Variants in PTPRD observed in about 807,000 individuals in gnomAD.
PTPRD encodes the protein protein tyrosine phosphatase receptor type D, also known as receptor-type tyrosine-protein phosphatase delta.
A neutral mutation model predicts 214.5 loss-of-function variants in PTPRD; 34 were observed. That is an observed-to-expected ratio of 0.16 (90% CI 0.12 to 0.21). PTPRD has a LOEUF of 0.21. PTPRD is among the 10% of genes least tolerant of loss of function. The pLI, the probability that PTPRD is intolerant of heterozygous loss-of-function variation, is 1.00. For synonymous variants in PTPRD, 1,128 were observed against 845.7 expected, an observed-to-expected ratio of 1.33 and a Z score of -5.79; for missense variants, 2,545 against 2,398.7, an observed-to-expected ratio of 1.06 and a Z score of -1.27.
intron 14 of PTPRD, among the ~76,000 whole-genome samples, chr9:8,566,891 G>C (rs555511131): frequency 6.6e-6 from 1 of 151,380 alleles, no homozygotes; most frequent in African/African-American, 2.4e-5. Context: ...GGGTAGATCT[G>C]GTCATCAGTC....
chr9:8,482,263 C>T (rs1367933920), intron 30 of PTPRD, among the ~76,000 whole-genome samples: 1 of 143,992 alleles, frequency 6.9e-6, no homozygotes, highest in African/African-American at 2.7e-5. Flanking sequence ...CTCTTGATCT[C>T]ATCATTAAAG....
chr9:10,467,757 T>C (rs540176262), intron 2 of PTPRD, among the ~76,000 whole-genome samples: 2 of 152,254 alleles, frequency 1.3e-5, no homozygotes, highest in African/African-American at 4.8e-5. Flanking sequence ...TATAAAAGGA[T>C]AGCTACATAG....
chr9:8,693,782 G>C (rs1455935231), intron 12 of PTPRD, among the ~76,000 whole-genome samples: 6 of 152,182 alleles, frequency 3.9e-5, no homozygotes, highest in Non-Finnish European at 8.8e-5. Context: ...GCAAAGCTGA[G>C]AAAACAACAC....
At chr9:10,026,863 CTT>C (rs1037430340) in intron 4 of PTPRD, among the ~76,000 whole-genome samples, 4 of 147,754 alleles carry the variant, frequency 2.7e-5, no homozygotes, top group Admixed American at 6.8e-5. Flanking sequence ...TAGTGAGTGT[CTT>C]TCAAAAAAAA....
At position 8,317,244 on chromosome 9, in the gene PTPRD, A is replaced by AAAT. The variant is rs747419127; in HGVS notation, c.*627_*629dup. The AAAT allele has an allele frequency of 7.8e-5, 18 of 232,080 alleles. No individual in the cohort carries two copies. The highest frequency in any genetic ancestry group is 1.0e-4 in the Non-Finnish European group (12 of 117,130). The allele number at this position is 232,080 out of a possible 1,614,324, so 14.4% of individuals were successfully genotyped here. On this transcript the variant is annotated 3_prime_UTR_variant, in exon 46 of 46. Transcript: ENST00000381196. ...CAGCTTAAAAAAACCTACGATTTGG[A>AAAT]AATAAAAAAATGAAGAGTTATGTAA...
At chr9:8,527,741 T>C (rs1418593271) in intron 15 of PTPRD, among the ~76,000 whole-genome samples, 19 of 152,142 alleles carry the variant, frequency 1.2e-4, no homozygotes, top group Non-Finnish European at 4.4e-5. Context: ...TCTCTACTTT[T>C]AATCTAAGAG....
intron 8 of PTPRD, among the ~76,000 whole-genome samples, chr9:9,465,414 A>G (rs1162386082): frequency 6.6e-6 from 1 of 152,226 alleles, no homozygotes; most frequent in East Asian, 1.9e-4. Context: ...GCCAAAAACC[A>G]ATATGCAAAC....
chr9:8,919,562 G>A (rs1271863510), intron 11 of PTPRD, among the ~76,000 whole-genome samples: 2 of 152,038 alleles, frequency 1.3e-5, no homozygotes, highest in Admixed American at 6.5e-5. Context: ...TGAGGGCATT[G>A]TGTGCACTGA....
intron 10 of PTPRD, among the ~76,000 whole-genome samples, chr9:9,063,410 G>A (rs539475450): frequency 6.6e-6 from 1 of 152,136 alleles, no homozygotes; most frequent in African/African-American, 2.4e-5. Flanking sequence ...CAACTAATTA[G>A]GATTTAGCCC....
intron 43 of PTPRD, 32 bp from the exon 44 acceptor site, chr9:8,331,768 A>C (rs1297292720): frequency 1.3e-6 from 2 of 1,544,920 alleles, no homozygotes; most frequent in African/African-American, 2.8e-5. Flanking sequence ...CCCGGCCGCA[A>C]AGGAAGACGC....
At chr9:10,107,452 T>C (rs1434303247) in intron 3 of PTPRD, among the ~76,000 whole-genome samples, 1 of 152,042 alleles carries the variant, frequency 6.6e-6, no homozygotes, top group Non-Finnish European at 1.5e-5. Flanking sequence ...GGAATTGCCG[T>C]TAGAATGACC....
intron 39 of PTPRD, among the ~76,000 whole-genome samples, chr9:8,374,640 A>T (rs182180465): frequency 6.6e-6 from 1 of 152,016 alleles, no homozygotes; most frequent in African/African-American, 2.4e-5. Context: ...TTGACACGAC[A>T]TAATTCTCTT....
intron 8 of PTPRD, among the ~76,000 whole-genome samples, chr9:9,562,100 T>C (rs1329355782): frequency 6.6e-6 from 1 of 152,230 alleles, no homozygotes; most frequent in African/African-American, 2.4e-5. Flanking sequence ...TCTGATTTTC[T>C]GTGTCCCCCA....
At chr9:10,446,924 A>C (rs1199397879) in intron 2 of PTPRD, among the ~76,000 whole-genome samples, 1 of 152,162 alleles carries the variant, frequency 6.6e-6, no homozygotes, top group African/African-American at 2.4e-5. Flanking sequence ...GAATATGTAC[A>C]AGCAAGGACA....
chr9:10,343,024 A>G (rs2096973555), intron 2 of PTPRD, among the ~76,000 whole-genome samples: 1 of 152,150 alleles, frequency 6.6e-6, no homozygotes, highest in Admixed American at 6.6e-5. Flanking sequence ...CATGTGCACA[A>G]CGTGCAGTTT....
chr9:8,842,643 T>G (rs1241818225), intron 11 of PTPRD, among the ~76,000 whole-genome samples: 2 of 152,150 alleles, frequency 1.3e-5, no homozygotes, highest in African/African-American at 2.4e-5. Flanking sequence ...CCCACCAAAC[T>G]GTCAGGGGTG....
chr9:9,904,127 A>G (rs951891977), intron 5 of PTPRD, among the ~76,000 whole-genome samples: 5 of 152,038 alleles, frequency 3.3e-5, no homozygotes, highest in African/African-American at 1.2e-4. Context: ...TCTTCTCACA[A>G]AGAATCTCTC....
intron 3 of PTPRD, among the ~76,000 whole-genome samples, chr9:10,146,687 T>A (rs927715742): frequency 6.6e-6 from 1 of 152,152 alleles, no homozygotes; most frequent in Non-Finnish European, 1.5e-5. Flanking sequence ...TAGAGAAAAG[T>A]CAACACAAGA....
chr9:8,416,318 T>C lies in PTPRD; in HGVS notation c.4087-11658A>G, dbSNP rs114036669. Among the ~76,000 whole-genome samples, 552 of 152,226 alleles carry C rather than the reference T, an allele frequency of 3.6e-3. 2 individuals carry two copies. Among genetic ancestry groups the C allele is most frequent in the African/African-American group, 0.013 (529 of 41,542 alleles). On this transcript the variant is annotated intron_variant, in intron 35 of 45. Coordinates refer to ENST00000381196, the MANE Select transcript of PTPRD (RefSeq NM_002839.4). ...GCATACATACATGAATACACACACA[T>C]ATAAAAACCTAGAATGTTATACACC...
Sources: gnomAD v4.1 joint callset for allele counts (sites outside exome capture counted in the v4.1 genomes callset) on GRCh38, gnomAD v4.1.1 for gene constraint, MANE v1.5 for transcripts, NCBI Gene and HGNC (gene_info 2026-07-23, HGNC 2026-07-21) for gene names.